RUNDC3B: variants seen among roughly 807,000 people sequenced by gnomAD.
RUNDC3B encodes RUN domain-containing protein 3B.
RUNDC3B carries 33 observed loss-of-function variants against 58.4 expected under a neutral mutation model. That is an observed-to-expected ratio of 0.56 (90% CI 0.43 to 0.75). The LOEUF (loss-of-function observed/expected upper bound fraction) is 0.75. RUNDC3B is among the 30% of genes least tolerant of loss of function. RUNDC3B has a pLI of 0.00. For missense variants in RUNDC3B, 501 were observed against 535.7 expected (o/e 0.94, Z 0.64); for synonymous variants, 193 against 195.2 (o/e 0.99, Z 0.10).
chr7:87,760,691 G>A (rs1464357066), intron 6 of RUNDC3B, among the ~76,000 whole-genome samples: 1 of 151,980 alleles, frequency 6.6e-6, no homozygotes, highest in African/African-American at 2.4e-5. Context: ...GTGGTCAGTG[G>A]AGTTTTGAAA....
intron 10 of RUNDC3B, among the ~76,000 whole-genome samples, chr7:87,827,913 C>G (rs182634664): frequency 1.8e-3 from 268 of 152,196 alleles, no homozygotes; most frequent in Admixed American, 3.1e-3. Context: ...CCTGTAATCC[C>G]CCAGATACCT....
chr7:87,700,398 A>T (rs542766792), intron 2 of RUNDC3B, 23 bp from the exon 3 acceptor site: 2 of 1,556,096 alleles, frequency 1.3e-6, no homozygotes, highest in African/African-American at 1.4e-5. Context: ...TTAAAATTTT[A>T]TATCGCAATT....
rs956730646 is a variant in RUNDC3B, at chr7:87,832,184, C to T, written c.*2154C>T. On this transcript the variant is annotated 3_prime_UTR_variant, in exon 11 of 11. Transcript: ENST00000394654. ...TAGGTGGTAGTGTTTATTGTTCACC[C>T]TCCCTCTTGCCTCCAAAAGAATGCT... 1.3e-5 allele frequency: 2 copies of T among 151,920 alleles called. No individual in the cohort carries two copies. Among genetic ancestry groups the T allele is most frequent in the African/African-American group, 4.8e-5 (2 of 41,410 alleles). The allele number at this position is 151,920 out of a possible 1,614,324, so 9.4% of individuals were successfully genotyped here. A position where few individuals can be genotyped will look rare whatever the true frequency, so the allele number is the denominator to read the frequency against.
chr7:87,657,417 C>T (rs1034878658), intron 2 of RUNDC3B, among the ~76,000 whole-genome samples: 2 of 152,126 alleles, frequency 1.3e-5, no homozygotes, highest in African/African-American at 2.4e-5. Flanking sequence ...ACAAAAAAAC[C>T]GTAGTACCAC....
intron 6 of RUNDC3B, among the ~76,000 whole-genome samples, chr7:87,742,938 C>G (rs1474568015): frequency 6.6e-6 from 1 of 151,970 alleles, no homozygotes; most frequent in Non-Finnish European, 1.5e-5. Context: ...ACGGTGAAAC[C>G]CCGTCTCTAC....
rs192564680 is a variant in RUNDC3B, at chr7:87,633,263, A to G, written c.122+4318A>G. Among the ~76,000 whole-genome samples, 47 of 152,366 alleles carry G rather than the reference A, an allele frequency of 3.1e-4. No homozygotes were observed. The East Asian group carries it at 8.3e-3, about 27-fold the overall frequency. ...ATAACTGAAATTTATTTAAGCGCAC[A>G]AGTTTAATCCACAACACATAATATT... On this transcript the variant is annotated intron_variant, in intron 1 of 10. Transcript: ENST00000394654.
intron 2 of RUNDC3B, among the ~76,000 whole-genome samples, chr7:87,668,839 G>A (rs141738270): frequency 6.6e-6 from 1 of 152,140 alleles, no homozygotes; most frequent in Non-Finnish European, 1.5e-5. Context: ...TGATCCAAGA[G>A]TGTGTTTGGT....
At chr7:87,694,582 G>A (rs1262137034) in intron 2 of RUNDC3B, among the ~76,000 whole-genome samples, 1 of 152,056 alleles carries the variant, frequency 6.6e-6, no homozygotes, top group Non-Finnish European at 1.5e-5. Context: ...ATCCTTTCAA[G>A]CAATTTTATC....
chr7:87,663,589 T>C (rs1324396468), intron 2 of RUNDC3B, among the ~76,000 whole-genome samples: 1 of 152,200 alleles, frequency 6.6e-6, no homozygotes, highest in African/African-American at 2.4e-5. Flanking sequence ...TTTAAAATAC[T>C]GTATACTTTT....
At chr7:87,670,087 C>A (rs546255663) in intron 2 of RUNDC3B, among the ~76,000 whole-genome samples, 1 of 152,278 alleles carries the variant, frequency 6.6e-6, no homozygotes, top group South Asian at 2.1e-4. Flanking sequence ...TCTTTCTCCC[C>A]CTCCCTTTCA....
At chr7:87,722,055 A>G (rs2130776928) in intron 4 of RUNDC3B, among the ~76,000 whole-genome samples, 1 of 152,164 alleles carries the variant, frequency 6.6e-6, no homozygotes, top group African/African-American at 2.4e-5. Flanking sequence ...ACACAGCAAT[A>G]ATAATTCCTT....
intron 3 of RUNDC3B, among the ~76,000 whole-genome samples, chr7:87,709,086 G>T (rs1367415098): frequency 1.3e-5 from 2 of 152,052 alleles, no homozygotes; most frequent in African/African-American, 2.4e-5. Context: ...TTAAAGAAAA[G>T]AAACCATTAA....
chr7:87,768,585 T>C (rs1274764822), intron 6 of RUNDC3B, among the ~76,000 whole-genome samples: 1 of 152,210 alleles, frequency 6.6e-6, no homozygotes. Context: ...ATTGGCAGAA[T>C]TGCCCAGGTT....
intron 9 of RUNDC3B, among the ~76,000 whole-genome samples, chr7:87,808,259 G>A (rs533946116): frequency 1.2e-4 from 18 of 147,290 alleles, no homozygotes; most frequent in South Asian, 1.1e-3. Flanking sequence ...CTCTTTTCTC[G>A]TATTTTCTCT....
intron 2 of RUNDC3B, among the ~76,000 whole-genome samples, chr7:87,684,097 A>T (rs1364668657): frequency 6.6e-6 from 1 of 152,206 alleles, no homozygotes; most frequent in Non-Finnish European, 1.5e-5. Context: ...ACTTTAATTC[A>T]TGTTAAAAAA....
chr7:87,644,207 A>G (rs1238232756), intron 1 of RUNDC3B, among the ~76,000 whole-genome samples: 1 of 152,238 alleles, frequency 6.6e-6, no homozygotes, highest in Non-Finnish European at 1.5e-5. Context: ...GATGTAAAAT[A>G]TAAGAGAGAA....
rs575714333 is a variant in RUNDC3B, at chr7:87,637,513, C to A, written c.122+8568C>A. Among the ~76,000 whole-genome samples, 91 of 152,176 alleles carry A rather than the reference C, an allele frequency of 6.0e-4. 1 individual carries two copies. The highest frequency in any genetic ancestry group is 2.2e-3 in the African/African-American group (90 of 41,534). On this transcript the variant is annotated intron_variant, in intron 1 of 10. Transcript: ENST00000394654. ...TATAAATCAGTTTTGGGAAAACTGC[C>A]ATCTTTATGATATTAAGACTTACGT...
chr7:87,671,719 G>A lies in RUNDC3B; in HGVS notation c.238+20782G>A, dbSNP rs545297865. Among the ~76,000 whole-genome samples the A allele has an allele frequency of 9.2e-5, 14 of 152,246 alleles. No homozygotes were observed. In the South Asian group the frequency reaches 2.1e-3, roughly 23 times the overall value. ...CAAGATTGAGGACCCACTTAAAAAC[G>A]CAGTCTTACCATGTGTTGGTAGAGC... is the stretch of plus-strand genomic sequence containing the variant. On this transcript the variant is annotated intron_variant, in intron 2 of 10. Coordinates refer to ENST00000394654, the MANE Select transcript of RUNDC3B (RefSeq NM_001134405.2).
intron 2 of RUNDC3B, among the ~76,000 whole-genome samples, chr7:87,692,333 T>G (rs917073053): frequency 6.6e-6 from 1 of 152,140 alleles, no homozygotes; most frequent in African/African-American, 2.4e-5. Flanking sequence ...GGCACGCACC[T>G]GTAGTCTTAG....
Sources: allele counts gnomAD v4.1 joint callset (sites outside exome capture counted in the v4.1 genomes callset), GRCh38; gene constraint gnomAD v4.1.1; transcripts MANE v1.5; gene names NCBI Gene and HGNC (gene_info 2026-07-23, HGNC 2026-07-21).